EMILIN2: variants seen among roughly 807,000 people sequenced by gnomAD.
EMILIN2 encodes the protein EMILIN-2.
In EMILIN2, 71 loss-of-function variants were observed where a neutral mutation model predicts 87.1. The ratio of observed to expected loss-of-function variants is 0.82; its 90% CI spans 0.67 to 0.99. EMILIN2 has a LOEUF of 0.99. Among genes scored for constraint, EMILIN2 ranks in the 50% least tolerant of loss-of-function variants. The pLI, the probability that EMILIN2 is intolerant of heterozygous loss-of-function variation, is 0.00. For synonymous variants in EMILIN2, 581 were observed against 563.4 expected, an observed-to-expected ratio of 1.03 and a Z score of -0.44; for missense variants, 1,407 against 1,371.8, an observed-to-expected ratio of 1.03 and a Z score of -0.40.
At position 2,890,552 on chromosome 18, in the gene EMILIN2, T is replaced by C; in HGVS notation, c.434-9T>C. On this transcript the variant is annotated splice_polypyrimidine_tract_variant and intron_variant, in intron 3 of 7. Transcript: ENST00000254528. This position sits in a 1 kb window ranked among gnomAD's most constrained non-coding sequence, Gnocchi z 4.7. ...TGTTCATTCATGTCCAACTTTATCT[T>C]TGTAACAGATAATGAACCCAGCCAA... 6.5e-7 allele frequency: 1 copy of C among 1,544,432 alleles called. No homozygotes were observed. The highest frequency in any genetic ancestry group is 8.7e-7 in the Non-Finnish European group (1 of 1,144,034).
At position 2,913,576 on chromosome 18, in the gene EMILIN2, T is replaced by TGCAGGGAGTGAGGC; in HGVS notation, c.*173_*186dup. ...CATGCCTTACTGCATCCAGCCAGGC[T>TGCAGGGAGTGAGGC]GCAGGGAGTGAGGCACACGGTGAAC... On this transcript the variant is annotated 3_prime_UTR_variant, in exon 8 of 8. Coordinates refer to ENST00000254528, the MANE Select transcript of EMILIN2 (RefSeq NM_032048.3). 1.2e-5 allele frequency: 7 copies of TGCAGGGAGTGAGGC among 594,608 alleles called. No homozygotes were observed. In the South Asian group the frequency reaches 1.5e-4, roughly 13 times the overall value. The allele number at this position is 594,608 out of a possible 1,614,324, so 36.8% of individuals were successfully genotyped here.
chr18:2,864,215 T>C (rs2076675170), intron 2 of EMILIN2, among the ~76,000 whole-genome samples: 1 of 152,238 alleles, frequency 6.6e-6, no homozygotes, highest in African/African-American at 2.4e-5. Context: ...ATTTAGCCCA[T>C]TTACATTTAA....
intron 3 of EMILIN2, among the ~76,000 whole-genome samples, chr18:2,889,687 CTTTTCTT>C (rs2076823697): frequency 9.8e-6 from 1 of 101,802 alleles, no homozygotes; most frequent in Non-Finnish European, 2.1e-5. Context: ...TTCTTTTTTT[CTTTTCTT>C]TTTTTTTTTT....
Position 2,914,937 on chromosome 18 carries a change from G to C in EMILIN2, c.*1533G>C, listed in dbSNP as rs1450477659. 1 of 152,218 alleles carries C rather than the reference G, an allele frequency of 6.6e-6. No individual in the cohort carries two copies. Among genetic ancestry groups the C allele is most frequent in the Non-Finnish European group, 1.5e-5 (1 of 68,052 alleles). The allele number at this position is 152,218 out of a possible 1,614,324, so 9.4% of individuals were successfully genotyped here. On this transcript the variant is annotated 3_prime_UTR_variant, in exon 8 of 8. Transcript: ENST00000254528. ...GGGAACTGGCTAAAGAGAGCTGTCA[G>C]AGAGTATCCTTGGCTGTCCTAGGAA...
chr18:2,858,605 G>GTGTATA lies in EMILIN2; in HGVS notation c.257+10675_257+10676insGTATAT, dbSNP rs1555665480. On this transcript the variant is annotated intron_variant, in intron 2 of 7. Coordinates refer to ENST00000254528, the MANE Select transcript of EMILIN2 (RefSeq NM_032048.3). The stretch of plus-strand genomic sequence containing the variant: ...TGTGTATATATATATATATATATGT[G>GTGTATA]TATATATATATATGTTCCACAGTTT... Among the ~76,000 whole-genome samples the GTGTATA allele has an allele frequency of 1.4e-3, 117 of 86,152 alleles. 13 individuals are homozygous for GTGTATA. Among genetic ancestry groups the GTGTATA allele is most frequent in the African/African-American group, 8.2e-3 (112 of 13,738 alleles). 56.5% of individuals were successfully genotyped at this position (86,152 alleles called of 152,430 possible).
rs1358044192 is a variant in EMILIN2 at position 2,847,116 on chromosome 18, C to A, written c.-73C>A. 2.6e-5 allele frequency: 28 copies of A among 1,075,706 alleles called. No individual in the cohort carries two copies. The highest frequency in any genetic ancestry group is 3.2e-5 in the Non-Finnish European group (28 of 884,288). The allele number at this position is 1,075,706 out of a possible 1,614,324, so 66.6% of individuals were successfully genotyped here. A position where few individuals can be genotyped will look rare whatever the true frequency, so the allele number is the denominator to read the frequency against. On this transcript the variant is annotated 5_prime_UTR_variant, in exon 1 of 8. Coordinates refer to ENST00000254528, the MANE Select transcript of EMILIN2 (RefSeq NM_032048.3). The surrounding 1 kb of genome is among the most constrained non-coding windows in gnomAD (Gnocchi z 4.5). ...TCGCGGGCGGCGCCCTGGCCGCCGGCAGCCTTGTGGCCGGTGCCCCGATCC... is the reference window on the plus strand; with the variant it reads ...TCGCGGGCGGCGCCCTGGCCGCCGGAAGCCTTGTGGCCGGTGCCCCGATCC...
intron 2 of EMILIN2, among the ~76,000 whole-genome samples, chr18:2,859,953 T>C (rs941517805): frequency 5.3e-5 from 8 of 152,248 alleles, no homozygotes; most frequent in Non-Finnish European, 1.2e-4. Flanking sequence ...ACCAGTACCA[T>C]GCTGTTTTGG....
chr18:2,846,565 G>A (rs1568446330), upstream of EMILIN2, among the ~76,000 whole-genome samples: 3 of 152,234 alleles, frequency 2.0e-5, no homozygotes, highest in Non-Finnish European at 2.9e-5. The surrounding 1 kb of genome is among the most constrained non-coding windows in gnomAD (Gnocchi z 5.3). Context: ...GCTGGTGGGG[G>A]AACGGCCCTG....
intron 2 of EMILIN2, among the ~76,000 whole-genome samples, chr18:2,850,547 A>C (rs2076596595): frequency 6.6e-6 from 1 of 151,920 alleles, no homozygotes; most frequent in South Asian, 2.1e-4. Flanking sequence ...CTGGGATTAC[A>C]AGCAGAAGTC....
chr18:2,858,786 C>G (rs1187425798), intron 2 of EMILIN2, among the ~76,000 whole-genome samples: 1 of 150,970 alleles, frequency 6.6e-6, no homozygotes, highest in Non-Finnish European at 1.5e-5. Flanking sequence ...CAGGTGCCTG[C>G]CACCATGCCC....
Position 2,911,153 on chromosome 18 carries a change from G to A in EMILIN2, c.2824+1334G>A, listed in dbSNP as rs181983843. 2.9e-3 allele frequency among the ~76,000 whole-genome samples: 442 copies of A among 152,352 alleles called. 2 individuals carry two copies. The highest frequency in any genetic ancestry group is 0.01 in the African/African-American group (428 of 41,580). On this transcript the variant is annotated intron_variant, in intron 7 of 7. Coordinates refer to ENST00000254528, the MANE Select transcript of EMILIN2 (RefSeq NM_032048.3). Reference sequence around the variant, plus strand: ...ACACTCGGAAGACGGCCAAGTGGGCGACTTGAGAGATTCAAGTGCGGTCTG... The same window carrying A: ...ACACTCGGAAGACGGCCAAGTGGGCAACTTGAGAGATTCAAGTGCGGTCTG...
At chr18:2,910,068 A>C (rs1472198481) in intron 7 of EMILIN2, among the ~76,000 whole-genome samples, 1 of 151,920 alleles carries the variant, frequency 6.6e-6, no homozygotes, top group Non-Finnish European at 1.5e-5. Context: ...TCAACACGCT[A>C]GTCCTCAGCA....
At chr18:2,870,045 A>G (rs1179554703) in intron 2 of EMILIN2, among the ~76,000 whole-genome samples, 1 of 152,156 alleles carries the variant, frequency 6.6e-6, no homozygotes, top group Non-Finnish European at 1.5e-5. Context: ...GTTAGAGACC[A>G]GCCTGGGCAA....
In EMILIN2 at chr18:2,863,236, C is replaced by T. The variant is rs546065463; in HGVS notation, c.257+15305C>T. Among the ~76,000 whole-genome samples, 39 of 152,194 alleles carry T rather than the reference C, an allele frequency of 2.6e-4. No homozygotes were observed. The East Asian group carries it at 5.4e-3, about 21-fold the overall frequency. ...CTATTTCCTTCAGTTCTGCTCTGAT[C>T]TTAGTTATTTCTTGCCTTCTGCTAG... On this transcript the variant is annotated intron_variant, in intron 2 of 7. Transcript: ENST00000254528.
chr18:2,905,775 G>GTTTTTTT (rs1006831509), intron 4 of EMILIN2, among the ~76,000 whole-genome samples: 1 of 92,708 alleles, frequency 1.1e-5, no homozygotes. Context: ...GCTAATTTTT[G>GTTTTTTT]TTTTTTTGTT....
intron 2 of EMILIN2, among the ~76,000 whole-genome samples, chr18:2,882,248 G>A (rs1038881052): frequency 5.9e-5 from 9 of 152,210 alleles, no homozygotes; most frequent in African/African-American, 1.7e-4. Flanking sequence ...CCAACTGCCC[G>A]AGCAGCCCTT....
Position 2,909,751 on chromosome 18 carries a change from G to T in EMILIN2, c.2756G>T (p.Ser919Ile). ...GGGCTCACCCAGAAGCCTTTCCCCAGTGATGGGGGCGTTGTCCTCTTTAAC... is the reference window on the plus strand; with the variant it reads ...GGGCTCACCCAGAAGCCTTTCCCCATTGATGGGGGCGTTGTCCTCTTTAAC... ...SAGLTQKPFP[S>I]DGGVVLFNKV... The change falls in exon 7 of 8, where the codon AGT becomes ATT. Residue 919 changes from serine to isoleucine, a missense_variant. Physicochemically the swap from Ser to Ile is moderately radical, Grantham distance 142. Transcript: ENST00000254528. The T allele has an allele frequency of 6.2e-7, 1 of 1,613,524 alleles. No homozygotes were observed.
rs562483947 is a variant in EMILIN2 at position 2,851,497 on chromosome 18, T to C, written c.257+3566T>C. Reference sequence around the variant, plus strand: ...AGAAGTAAAGTAGCCATAGAGAGAGTGCTCCGAGACTGAGGGTGAAACCGC... The same window carrying C: ...AGAAGTAAAGTAGCCATAGAGAGAGCGCTCCGAGACTGAGGGTGAAACCGC... On this transcript the variant is annotated intron_variant, in intron 2 of 7. Transcript: ENST00000254528. Among the ~76,000 whole-genome samples the C allele has an allele frequency of 2.6e-5, 4 of 151,880 alleles. No homozygotes were observed. The South Asian group carries it at 8.4e-4, about 32-fold the overall frequency.
At chr18:2,876,592 C>T in intron 2 of EMILIN2, among the ~76,000 whole-genome samples, 1 of 141,342 alleles carries the variant, frequency 7.1e-6, no homozygotes. Context: ...CGGTGAAACC[C>T]CGTCTCTACT....
Sources: gnomAD v4.1 joint callset for allele counts (sites outside exome capture counted in the v4.1 genomes callset) on GRCh38, gnomAD v4.1.1 for gene constraint, Gnocchi (gnomAD v3.1) non-coding constraint, MANE v1.5 for transcripts, NCBI Gene and HGNC (gene_info 2026-07-23, HGNC 2026-07-21) for gene names.